Variants in DNAH9 observed in about 807,000 individuals in gnomAD.
The protein encoded by DNAH9 is DNAH9 variant protein.
A neutral mutation model predicts 471.6 loss-of-function variants in DNAH9; 345 were observed. The ratio of observed to expected loss-of-function variants is 0.73; its 90% CI spans 0.67 to 0.80. DNAH9 has a LOEUF of 0.80. Among genes scored for constraint, DNAH9 ranks in the 30% least tolerant of loss-of-function variants. DNAH9 has a pLI of 0.00. For missense variants in DNAH9, 5,407 were observed against 5,609.2 expected (o/e 0.96, Z 1.15); for synonymous variants, 2,093 against 2,123.6 (o/e 0.99, Z 0.40).
chr17:11,793,440 T>C, intron 41 of DNAH9, 63 bp from the exon 42 acceptor site: 1 of 1,499,740 alleles, frequency 6.7e-7, no homozygotes, highest in Non-Finnish European at 9.1e-7. Flanking sequence ...CAGGAAGTTT[T>C]CCTAGCTATT....
chr17:11,805,947 G>T (rs565038796), intron 43 of DNAH9, among the ~76,000 whole-genome samples: 6 of 151,912 alleles, frequency 3.9e-5, no homozygotes, highest in African/African-American at 1.5e-4. Flanking sequence ...TCCCAGGCTC[G>T]TCTCAAACTC....
At chr17:11,671,389 C>T (rs1176049343) in intron 17 of DNAH9, among the ~76,000 whole-genome samples, 4 of 152,016 alleles carry the variant, frequency 2.6e-5, no homozygotes, top group Admixed American at 2.0e-4. Context: ...GGAGCTCCAG[C>T]GTCCATCAGG....
intron 60 of DNAH9, among the ~76,000 whole-genome samples, chr17:11,904,614 G>C (rs1474492721): frequency 2.3e-5 from 3 of 132,652 alleles, no homozygotes; most frequent in African/African-American, 6.0e-5. Flanking sequence ...CTGGGCGACA[G>C]AGTGAGACTC....
intron 65 of DNAH9, among the ~76,000 whole-genome samples, chr17:11,936,128 A>G (rs574168717): frequency 4.6e-5 from 7 of 152,322 alleles, no homozygotes; most frequent in Admixed American, 4.6e-4. Context: ...GTGTTAGTTA[A>G]TAGATGGTTC....
At chr17:11,898,984 CTCTA>C (rs1371954824) in intron 59 of DNAH9, among the ~76,000 whole-genome samples, 1 of 152,120 alleles carries the variant, frequency 6.6e-6, no homozygotes, top group Non-Finnish European at 1.5e-5. Context: ...AGCTTTATCT[CTCTA>C]TGTGAATTTG....
At chr17:11,893,466 A>G (rs565065580) in intron 58 of DNAH9, among the ~76,000 whole-genome samples, 1 of 152,224 alleles carries the variant, frequency 6.6e-6, no homozygotes, top group East Asian at 1.9e-4. Context: ...GAACCAACCC[A>G]CATGCCCATC....
At position 11,819,228 on chromosome 17, in the gene DNAH9, AT is replaced by A. The variant is rs547675053; in HGVS notation, c.8708-2691del. Among the ~76,000 whole-genome samples the A allele has an allele frequency of 9.6e-3, 1,469 of 152,282 alleles. 25 individuals are homozygous for A. The highest frequency in any genetic ancestry group is 0.033 in the African/African-American group (1,381 of 41,556). On this transcript the variant is annotated intron_variant, in intron 45 of 68. Coordinates refer to ENST00000262442, the MANE Select transcript of DNAH9 (RefSeq NM_001372.4). The stretch of plus-strand genomic sequence containing the variant: ...TTTGGACAATTGTTTTTATATAGTG[AT>A]CTAATTATATATTTAGAAATATTGA...
At position 11,822,911 on chromosome 17, in the gene DNAH9, C is replaced by A. The variant is rs771599007; in HGVS notation, c.9123C>A (p.Pro3041=). The change falls in exon 48 of 69, where the codon CCC becomes CCA. Residue 3041 remains proline, a synonymous_variant. Coordinates refer to ENST00000262442, the MANE Select transcript of DNAH9 (RefSeq NM_001372.4). ...AACAGCGCTACAACTATACAACTCC[C>A]AAGTCCTTTCTGGAGTTCATCAGAC... is the stretch of plus-strand genomic sequence containing the variant. ...SNEQRYNYTT[P]KSFLEFIRLY... is the part of the protein sequence containing the mutation. 1.2e-6 allele frequency: 2 copies of A among 1,614,112 alleles called. No homozygotes were observed. The highest frequency in any genetic ancestry group is 2.2e-5 in the East Asian group (1 of 44,890).
chr17:11,827,937 G>C (rs943955750), intron 48 of DNAH9, among the ~76,000 whole-genome samples: 1 of 151,978 alleles, frequency 6.6e-6, no homozygotes, highest in South Asian at 2.1e-4. Context: ...CCACGTCCTT[G>C]GTTCTTTTTA....
At chr17:11,788,936 T>G (rs560045425) in intron 41 of DNAH9, among the ~76,000 whole-genome samples, 2 of 152,240 alleles carry the variant, frequency 1.3e-5, no homozygotes, top group African/African-American at 4.8e-5. Context: ...CTAAGAGTTT[T>G]AATTATGAAT....
At chr17:11,613,641 A>G (rs1437868702) in intron 4 of DNAH9, among the ~76,000 whole-genome samples, 1 of 152,318 alleles carries the variant, frequency 6.6e-6, no homozygotes, top group East Asian at 1.9e-4. Flanking sequence ...TGAGGGTAAT[A>G]GCCCTGGTTT....
chr17:11,828,391 C>T (rs533719666), intron 48 of DNAH9, among the ~76,000 whole-genome samples: 44 of 149,156 alleles, frequency 2.9e-4, no homozygotes, highest in Non-Finnish European at 4.9e-4. Context: ...GAGAATTGCT[C>T]GAACCTGGGC....
chr17:11,726,662 A>G (rs1237795284), intron 27 of DNAH9, among the ~76,000 whole-genome samples: 1 of 152,136 alleles, frequency 6.6e-6, no homozygotes, highest in African/African-American at 2.4e-5. Flanking sequence ...GTTTTTATGT[A>G]TATACCTTAT....
At position 11,854,236 on chromosome 17, in the gene DNAH9, C is replaced by T. The variant is rs1163868727; in HGVS notation, c.9741C>T (p.Asp3247=). The T allele has an allele frequency of 6.2e-7, 1 of 1,614,198 alleles. No individual in the cohort carries two copies. Among genetic ancestry groups the T allele is most frequent in the East Asian group, 2.2e-5 (1 of 44,882 alleles). ...CLKAIRPYLQ[D]PEFNPEFVAT... is the part of the protein sequence containing the mutation. The stretch of plus-strand genomic sequence containing the variant: ...AAGCCATCAGGCCGTATCTGCAAGA[C>T]CCCGAGTTCAATCCTGAGTTTGTGG... The change falls in exon 50 of 69, where the codon GAC becomes GAT. Residue 3247 remains aspartate (D), a synonymous_variant. Coordinates refer to ENST00000262442, the MANE Select transcript of DNAH9 (RefSeq NM_001372.4).
chr17:11,670,851 G>A (rs193243119), intron 17 of DNAH9, among the ~76,000 whole-genome samples: 84 of 152,206 alleles, frequency 5.5e-4, no homozygotes, highest in African/African-American at 1.9e-3. Context: ...TTACAGGCAT[G>A]TGCCACCACG....
intron 61 of DNAH9, among the ~76,000 whole-genome samples, chr17:11,910,378 G>A (rs980727848): frequency 1.3e-5 from 2 of 152,158 alleles, no homozygotes; most frequent in African/African-American, 4.8e-5. Flanking sequence ...GTAGTAGCAT[G>A]TATCAGAACT....
intron 23 of DNAH9, among the ~76,000 whole-genome samples, chr17:11,700,466 C>G (rs1393309907): frequency 1.3e-5 from 2 of 152,122 alleles, no homozygotes; most frequent in African/African-American, 4.8e-5. Flanking sequence ...CCTTAAGCCT[C>G]CTTCCCATCC....
intron 45 of DNAH9, among the ~76,000 whole-genome samples, chr17:11,813,085 C>G (rs1382598957): frequency 6.6e-6 from 1 of 152,098 alleles, no homozygotes; most frequent in Non-Finnish European, 1.5e-5. Context: ...AAATTTTATT[C>G]CTCAATTAAG....
chr17:11,757,859 A>G (rs915931092), intron 35 of DNAH9, among the ~76,000 whole-genome samples, 167 bp downstream of exon 35: 1 of 152,218 alleles, frequency 6.6e-6, no homozygotes, highest in Non-Finnish European at 1.5e-5. Flanking sequence ...TAGGATGGCC[A>G]TGGGATGCCT....
Sources: allele counts gnomAD v4.1 joint callset (sites outside exome capture counted in the v4.1 genomes callset), GRCh38; gene constraint gnomAD v4.1.1; transcripts MANE v1.5; gene names NCBI Gene and HGNC (gene_info 2026-07-23, HGNC 2026-07-21).